PHACTR4: variants seen among roughly 807,000 people sequenced by gnomAD.
PHACTR4 encodes phosphatase and actin regulator 4, also known as protein phosphatase 1, regulatory subunit 124.
In PHACTR4, 51 loss-of-function variants were observed where a neutral mutation model predicts 72.7. The observed-to-expected ratio is 0.70, with a 90% CI of 0.56 to 0.89. The LOEUF is 0.89. Ranked by LOEUF, PHACTR4 falls within the 40% of genes least tolerant of loss-of-function variation. PHACTR4 has a pLI of 0.00. For synonymous variants in PHACTR4, 255 were observed against 302.5 expected, an observed-to-expected ratio of 0.84 and a Z score of 1.63; for missense variants, 731 against 861.8, an observed-to-expected ratio of 0.85 and a Z score of 1.90.
At position 28,480,470 on chromosome 1, in the gene PHACTR4, G is replaced by A. The variant is rs778733704; in HGVS notation, c.1626G>A (p.Val542=). The A allele has an allele frequency of 6.2e-7, 1 of 1,614,048 alleles. No individual in the cohort carries two copies. Among genetic ancestry groups the A allele is most frequent in the South Asian group, 1.1e-5 (1 of 91,072 alleles). The part of the protein sequence containing the change: ...ESYQSALANK[V]KRKDTLAMKL... ...GCAAAGGTGCTCTCGCCAACAAAGTGAAGAGGAAAGACACACTGGCAATGA... is the reference window on the plus strand; with the variant it reads ...GCAAAGGTGCTCTCGCCAACAAAGTAAAGAGGAAAGACACACTGGCAATGA... The change falls in exon 9 of 14, where the codon GTG becomes GTA. Residue 542 remains valine, a synonymous_variant. Transcript: ENST00000373839.
chr1:28,392,498 G>A (rs929145370), intron 1 of PHACTR4, among the ~76,000 whole-genome samples: 2 of 151,502 alleles, frequency 1.3e-5, no homozygotes, highest in African/African-American at 2.4e-5. Flanking sequence ...CACCTCCTGA[G>A]CTCAAACAAT....
chr1:28,389,261 C>G (rs547370296), intron 1 of PHACTR4, among the ~76,000 whole-genome samples: 1 of 152,146 alleles, frequency 6.6e-6, no homozygotes, highest in African/African-American at 2.4e-5. Context: ...TTCAGTATCA[C>G]TAATCCTCTG....
intron 2 of PHACTR4, among the ~76,000 whole-genome samples, chr1:28,430,533 A>G (rs1453225124): frequency 6.6e-6 from 1 of 152,182 alleles, no homozygotes; most frequent in East Asian, 1.9e-4. Context: ...CAGCCAGCCT[A>G]GAGTAGATCA....
chr1:28,408,842 A>AT (rs112708658), intron 2 of PHACTR4, among the ~76,000 whole-genome samples: 48,400 of 130,304 alleles, frequency 0.37, 9,751 homozygotes, highest in African/African-American at 0.54. Flanking sequence ...TGCCCGACTG[A>AT]TTTTTTTTTT....
intron 1 of PHACTR4, among the ~76,000 whole-genome samples, chr1:28,391,358 C>T (rs557358044): frequency 6.6e-6 from 1 of 150,674 alleles, no homozygotes; most frequent in East Asian, 2.0e-4. Context: ...GAGATCAAGC[C>T]ATTGCACTCC....
chr1:28,432,986 C>A (rs1213449147), intron 2 of PHACTR4: 2 of 718,058 alleles, frequency 2.8e-6, no homozygotes, highest in African/African-American at 1.9e-5. Context: ...ACTCAAGCAA[C>A]CCCCGCTTGG....
chr1:28,398,435 A>T (rs995919764), intron 1 of PHACTR4, among the ~76,000 whole-genome samples: 1 of 151,706 alleles, frequency 6.6e-6, no homozygotes, highest in Non-Finnish European at 1.5e-5. Context: ...CAGGAGAATC[A>T]CTTGAACCCC....
intron 12 of PHACTR4, 91 bp from the exon 13 acceptor site, chr1:28,492,924 C>A: frequency 8.6e-7 from 1 of 1,160,070 alleles, no homozygotes; most frequent in Non-Finnish European, 1.3e-6. Flanking sequence ...CAGTGACTTA[C>A]AAAGTTAAAC....
At chr1:28,476,772 C>CTTTTTT (rs35369238) in intron 8 of PHACTR4, among the ~76,000 whole-genome samples, 3 of 98,438 alleles carry the variant, frequency 3.0e-5, no homozygotes, top group East Asian at 2.2e-4. Flanking sequence ...CTAGCCTGTT[C>CTTTTTT]TTTTTTTTTT....
intron 1 of PHACTR4, among the ~76,000 whole-genome samples, chr1:28,406,507 A>C (rs1401841150): frequency 6.6e-6 from 1 of 152,182 alleles, no homozygotes; most frequent in Non-Finnish European, 1.5e-5. Flanking sequence ...CAAGGTAATA[A>C]ACAGCAGTCT....
intron 2 of PHACTR4, among the ~76,000 whole-genome samples, chr1:28,434,457 G>A (rs1032969318): frequency 6.6e-6 from 1 of 152,010 alleles, no homozygotes; most frequent in Non-Finnish European, 1.5e-5. Context: ...GAGTAGCTGG[G>A]ACTACAGGCA....
chr1:28,457,338 T>TAATC, intron 2 of PHACTR4: 1 of 447,980 alleles, frequency 2.2e-6, no homozygotes, highest in Non-Finnish European at 4.5e-6. Flanking sequence ...TACACACCTT[T>TAATC]AATCCCAGTG....
intron 9 of PHACTR4, among the ~76,000 whole-genome samples, chr1:28,488,353 C>A: frequency 6.6e-6 from 1 of 152,008 alleles, no homozygotes; most frequent in Non-Finnish European, 1.5e-5. Flanking sequence ...AAAAATTAGC[C>A]AGGCGTGGTG....
At chr1:28,430,661 G>A (rs950477639) in intron 2 of PHACTR4, among the ~76,000 whole-genome samples, 1 of 152,122 alleles carries the variant, frequency 6.6e-6, no homozygotes, top group African/African-American at 2.4e-5. Flanking sequence ...TGGTCATCAC[G>A]TCCTAGAGGA....
Position 28,473,783 on chromosome 1 carries a change from ACCTCCAGAG to A in PHACTR4, c.1060_1068del (p.Glu354_Pro356del), listed in dbSNP as rs761227040. ...CGTCCCCCCCACTGCCTACTCATAT[ACCTCCAGAG>A]CCTCCACGCACCCCTCCATTCCCTG... On this transcript the variant is annotated inframe_deletion, in exon 7 of 14. Transcript: ENST00000373839. 1 of 1,613,640 alleles carries A rather than the reference ACCTCCAGAG, an allele frequency of 6.2e-7. No individual in the cohort carries two copies. The highest frequency in any genetic ancestry group is 1.1e-5 in the South Asian group (1 of 91,054).
chr1:28,469,117 C>G (rs925223164), intron 6 of PHACTR4, among the ~76,000 whole-genome samples: 1 of 152,156 alleles, frequency 6.6e-6, no homozygotes, highest in African/African-American at 2.4e-5. Context: ...CTCTTTTATT[C>G]TAAAATTACA....
rs1413309303 is a variant in PHACTR4 at position 28,496,948 on chromosome 1, T to G, written c.*399T>G. 4.7e-6 allele frequency: 1 copy of G among 214,216 alleles called. No homozygotes were observed. The highest frequency in any genetic ancestry group is 9.3e-6 in the Non-Finnish European group (1 of 107,468). The allele number at this position is 214,216 out of a possible 1,614,324, so 13.3% of individuals were successfully genotyped here. ...GCCCTGATTGTGAGACCCAAATGTG[T>G]AGGCTCTAAATTCCAGCCATCAAAT... On this transcript the variant is annotated 3_prime_UTR_variant, in exon 14 of 14. Transcript: ENST00000373839.
At position 28,424,655 on chromosome 1, in the gene PHACTR4, A is replaced by AT. The variant is rs558502619; in HGVS notation, c.16+17198dup. Among the ~76,000 whole-genome samples, 292 of 150,868 alleles carry AT rather than the reference A, an allele frequency of 1.9e-3. 5 individuals are homozygous for AT. Among genetic ancestry groups the AT allele is most frequent in the Admixed American group, 0.015 (232 of 15,136 alleles). On this transcript the variant is annotated intron_variant, in intron 2 of 13. Coordinates refer to ENST00000373839, the MANE Select transcript of PHACTR4 (RefSeq NM_001048183.3). ...AGGCACGTGCCACCACACTTGGCTT[A>AT]TTTTTTCTATTTTTAGTAGAGATGG...
In PHACTR4 at chr1:28,455,186, TTTTC is replaced by T. The variant is rs1557826348; in HGVS notation, c.17-3887_17-3884del. On this transcript the variant is annotated intron_variant, in intron 2 of 13. Coordinates refer to ENST00000373839, the MANE Select transcript of PHACTR4 (RefSeq NM_001048183.3). The stretch of plus-strand genomic sequence containing the variant: ...CATCTGGCCTCATTTTTCTTTTTCT[TTTTC>T]TTTCTTTCTTTTTTTTTTTTTTTTT... Among the ~76,000 whole-genome samples, 5 of 129,130 alleles carry T rather than the reference TTTTC, an allele frequency of 3.9e-5. No individual in the cohort carries two copies. The East Asian group carries it at 5.9e-4, about 15-fold the overall frequency. The allele number at this position is 129,130 out of a possible 152,430, so 84.7% of individuals were successfully genotyped here.
Sources: allele counts gnomAD v4.1 joint callset (sites outside exome capture counted in the v4.1 genomes callset), GRCh38; gene constraint gnomAD v4.1.1; transcripts MANE v1.5; gene names NCBI Gene and HGNC (gene_info 2026-07-23, HGNC 2026-07-21).